The following FMN2 variants were observed in gnomAD, a reference collection of about 807,000 sequenced individuals.
FMN2 encodes the protein formin 2, also known as formin-2.
Under a neutral mutation model 142.3 loss-of-function variants are expected in FMN2, and 51 were observed. That is an observed-to-expected ratio of 0.36 (90% CI 0.29 to 0.45). FMN2 has a LOEUF of 0.45. Among genes scored for constraint, FMN2 ranks in the 20% least tolerant of loss-of-function variants. The probability of loss-of-function intolerance (pLI) is 1.00; values close to 1 mark genes in which losing one functional copy is unlikely to be tolerated. For synonymous variants in FMN2, 882 were observed against 869.8 expected, an observed-to-expected ratio of 1.01 and a Z score of -0.25; for missense variants, 1,936 against 2,122.8, an observed-to-expected ratio of 0.91 and a Z score of 1.73.
At chr1:240,328,838 G>A (rs1230304487) in intron 8 of FMN2, among the ~76,000 whole-genome samples, 1 of 152,056 alleles carries the variant, frequency 6.6e-6, no homozygotes, top group Non-Finnish European at 1.5e-5. Flanking sequence ...TGATCCGCCC[G>A]CCTTGGCCTC....
At chr1:240,328,782 G>T (rs1671281340) in intron 8 of FMN2, among the ~76,000 whole-genome samples, 1 of 152,046 alleles carries the variant, frequency 6.6e-6, no homozygotes, top group South Asian at 2.1e-4. Flanking sequence ...TAGAGATGGG[G>T]TTTCACCATG....
chr1:240,400,461 C>A (rs1673938325), intron 15 of FMN2, among the ~76,000 whole-genome samples: 1 of 152,206 alleles, frequency 6.6e-6, no homozygotes. Flanking sequence ...AAAATAAGCA[C>A]ACCAGCATCA....
At chr1:240,101,097 A>G (rs1048412532) in intron 1 of FMN2, among the ~76,000 whole-genome samples, 1 of 152,150 alleles carries the variant, frequency 6.6e-6, no homozygotes, top group East Asian at 1.9e-4. Flanking sequence ...GCTGAGAACA[A>G]TCTATTTCCC....
At chr1:240,398,875 A>C (rs1330066263) in intron 15 of FMN2, among the ~76,000 whole-genome samples, 1 of 152,234 alleles carries the variant, frequency 6.6e-6, no homozygotes, top group East Asian at 1.9e-4. Flanking sequence ...TGTTATTTTC[A>C]CATTATTTTT....
intron 3 of FMN2, among the ~76,000 whole-genome samples, chr1:240,186,677 A>G (rs564910398): frequency 2.0e-5 from 3 of 152,118 alleles, no homozygotes; most frequent in Non-Finnish European, 2.9e-5. Flanking sequence ...TGGCGGCCCT[A>G]TGGAAGAAGC....
rs1667411820 is a variant in FMN2 at position 240,228,334 on chromosome 1, AAAAAGAAAAAGAAAAAGAAAG to A, written c.4065+17104_4065+17124del. On this transcript the variant is annotated intron_variant, in intron 6 of 17. Coordinates refer to ENST00000319653, the MANE Select transcript of FMN2 (RefSeq NM_020066.5). ...AAAAAAAAAAAAAAAAAAAAAAAAGAAAAAGAAAAAGAAAAAGAAAGAAAAAAAATGGGCAAAAGGTTTCAG... is the reference window on the plus strand; with the variant it reads ...AAAAAAAAAAAAAAAAAAAAAAAAGAAAAAAAAATGGGCAAAAGGTTTCAG... Among the ~76,000 whole-genome samples the A allele has an allele frequency of 6.8e-5, 5 of 73,016 alleles. 1 individual carries two copies. Among genetic ancestry groups the A allele is most frequent in the Non-Finnish European group, 1.3e-4 (5 of 39,336 alleles). 47.9% of individuals were successfully genotyped at this position (73,016 alleles called of 152,430 possible).
chr1:240,208,137 C>G lies in FMN2; in HGVS notation c.3325C>G (p.Pro1109Ala), dbSNP rs1268606265. Residue 1109 changes from proline (P) to alanine (A), a missense_variant, in exon 5 of 18, where the codon CCT (proline) becomes GCT (alanine). Physicochemically the swap from Pro to Ala is conservative, Grantham distance 27. This residue lies in a region of FMN2 where 56 missense variants were observed against 111.8 expected (regional missense o/e 0.50). Coordinates refer to ENST00000319653, the MANE Select transcript of FMN2 (RefSeq NM_020066.5). ...CCCTCTACCCGGAGTGGGCATACCT[C>G]CTCCGCCCCCTCTACCCGGAGCGGG... ...PPPLPGVGIP[P>A]PPPLPGAGIP... 1 of 1,263,218 alleles carries G rather than the reference C, an allele frequency of 7.9e-7. No homozygotes were observed. The highest frequency in any genetic ancestry group is 1.1e-6 in the Non-Finnish European group (1 of 901,742). 78.3% of individuals were successfully genotyped at this position (1,263,218 alleles called of 1,614,324 possible).
At chr1:240,248,032 A>G (rs1428392641) in intron 6 of FMN2, among the ~76,000 whole-genome samples, 3 of 152,014 alleles carry the variant, frequency 2.0e-5, no homozygotes, top group Non-Finnish European at 2.9e-5. Flanking sequence ...CTCCTCTATC[A>G]TTAGAACGTA....
At position 240,144,411 on chromosome 1, in the gene FMN2, T is replaced by C. The variant is rs951673504; in HGVS notation, c.1782+21066T>C. Reference sequence around the variant, plus strand: ...AAGAAGTTGCTGTTGAGCTGTACATTGGACATGATCTCTGTCAGGTGCTCA... The same window carrying C: ...AAGAAGTTGCTGTTGAGCTGTACATCGGACATGATCTCTGTCAGGTGCTCA... On this transcript the variant is annotated intron_variant, in intron 2 of 17. Coordinates refer to ENST00000319653, the MANE Select transcript of FMN2 (RefSeq NM_020066.5). The C allele has an allele frequency of 4.4e-5, 71 of 1,605,198 alleles. No homozygotes were observed. The Middle Eastern group carries it at 3.8e-3, about 86-fold the overall frequency.
At chr1:240,170,122 C>T in intron 2 of FMN2, 1 of 632,194 alleles carries the variant, frequency 1.6e-6, no homozygotes, top group Non-Finnish European at 2.8e-6. Context: ...AATCTAGGTT[C>T]TGCATTAATA....
At chr1:240,099,140 G>C (rs1351427088) in intron 1 of FMN2, among the ~76,000 whole-genome samples, 4 of 151,980 alleles carry the variant, frequency 2.6e-5, no homozygotes, top group Admixed American at 2.6e-4. Flanking sequence ...TGGTACATGA[G>C]AGGCACTTAA....
chr1:240,093,375 C>T lies in FMN2; in HGVS notation c.1266C>T (p.Thr422=). 13 of 1,613,374 alleles carry T rather than the reference C, an allele frequency of 8.1e-6. No individual in the cohort carries two copies. Among genetic ancestry groups the T allele is most frequent in the Non-Finnish European group, 1.1e-5 (13 of 1,179,678 alleles). Residue 422 remains threonine, a synonymous_variant, in exon 1 of 18, where the codon ACC becomes ACT. Transcript: ENST00000319653. Reference sequence around the variant, plus strand: ...TCACCCCCTGCTACATCAAGACCACCACCCGGCAGCTCAGCTCGCCCAATC... The same window carrying T: ...TCACCCCCTGCTACATCAAGACCACTACCCGGCAGCTCAGCTCGCCCAATC... ...PLITPCYIKT[T]TRQLSSPNHS...
chr1:240,442,981 G>A lies in FMN2; in HGVS notation c.5060+4771G>A, dbSNP rs187976861. 2.1e-4 allele frequency among the ~76,000 whole-genome samples: 32 copies of A among 152,286 alleles called. No individual in the cohort carries two copies. In the South Asian group the frequency reaches 5.0e-3, roughly 24 times the overall value. On this transcript the variant is annotated intron_variant, in intron 16 of 17. Coordinates refer to ENST00000319653, the MANE Select transcript of FMN2 (RefSeq NM_020066.5). Reference sequence around the variant, plus strand: ...TATCATGTAGACTAAATGACATAACGTATTTGAAGTATATAGCACAGTATC... The same window carrying A: ...TATCATGTAGACTAAATGACATAACATATTTGAAGTATATAGCACAGTATC...
At chr1:240,231,809 G>T (rs1667534081) in intron 6 of FMN2, among the ~76,000 whole-genome samples, 1 of 152,170 alleles carries the variant, frequency 6.6e-6, no homozygotes, top group Non-Finnish European at 1.5e-5. Context: ...TAGAAATAGT[G>T]GTTTTGAAGA....
chr1:240,324,194 C>T (rs1423316315), intron 8 of FMN2, among the ~76,000 whole-genome samples: 1 of 152,166 alleles, frequency 6.6e-6, no homozygotes, highest in Non-Finnish European at 1.5e-5. Context: ...CTTTAGAGAT[C>T]TCCCCATCTG....
At chr1:240,222,244 G>A (rs947510647) in intron 6 of FMN2, among the ~76,000 whole-genome samples, 1 of 152,018 alleles carries the variant, frequency 6.6e-6, no homozygotes, top group Non-Finnish European at 1.5e-5. Context: ...TATTAAATAG[G>A]GACTCCTTTC....
intron 3 of FMN2, among the ~76,000 whole-genome samples, chr1:240,185,848 G>A (rs1665423168): frequency 6.6e-6 from 1 of 152,186 alleles, no homozygotes; most frequent in Non-Finnish European, 1.5e-5. Flanking sequence ...GGATTTGGAA[G>A]TGACGAAAAA....
chr1:240,218,281 CAAAAAAAAAAAAA>C (rs60722656), intron 6 of FMN2, among the ~76,000 whole-genome samples: 29 of 92,956 alleles, frequency 3.1e-4, no homozygotes, highest in African/African-American at 8.9e-4. Context: ...GACTCTGTCT[CAAAAAAAAAAAAA>C]AAAAAAAAAA....
intron 8 of FMN2, among the ~76,000 whole-genome samples, chr1:240,328,443 CTA>C (rs748513685): frequency 2.6e-4 from 40 of 151,848 alleles, no homozygotes; most frequent in South Asian, 1.7e-3. Context: ...CAAAGGAAAA[CTA>C]TTGTTTTAAA....
Sources: allele counts gnomAD v4.1 joint callset (sites outside exome capture counted in the v4.1 genomes callset), GRCh38; gene constraint gnomAD v4.1.1; regional missense constraint gnomAD v4.1.1; transcripts MANE v1.5; gene names NCBI Gene and HGNC (gene_info 2026-07-23, HGNC 2026-07-21).